BEGAIN: variants seen among roughly 807,000 people sequenced by gnomAD.
BEGAIN encodes the protein brain enriched guanylate kinase associated.
Under a neutral mutation model 35.8 loss-of-function variants are expected in BEGAIN, and 19 were observed. That is an observed-to-expected ratio of 0.53 (90% CI 0.37 to 0.78). The LOEUF is 0.78. Among genes scored for constraint, BEGAIN ranks in the 30% least tolerant of loss-of-function variants. BEGAIN has a pLI of 0.00. For missense variants in BEGAIN, 795 were observed against 853.6 expected (o/e 0.93, Z 0.85); for synonymous variants, 462 against 388.6 (o/e 1.19, Z -2.22).
At chr14:100,571,839 T>C (rs2035089319) in intron 1 of BEGAIN, among the ~76,000 whole-genome samples, 1 of 152,134 alleles carries the variant, frequency 6.6e-6, no homozygotes, top group African/African-American at 2.4e-5. Flanking sequence ...TTTGCACTGG[T>C]TCCTTGCACC....
Position 100,537,959 on chromosome 14 carries a change from A to G in BEGAIN, c.*10T>C, listed in dbSNP as rs1469302280. On this transcript the variant is annotated 3_prime_UTR_variant, in exon 7 of 7. Transcript: ENST00000554140. The stretch of plus-strand genomic sequence containing the variant: ...GGGAGCGAACCACGGCCAGGCCTGC[A>G]CGCAGGCGCTCAGTTGAGCAAGGTT... The G allele has an allele frequency of 6.2e-7, 1 of 1,601,006 alleles. No individual in the cohort carries two copies. Among genetic ancestry groups the G allele is most frequent in the Non-Finnish European group, 8.5e-7 (1 of 1,174,956 alleles).
intron 2 of BEGAIN, chr14:100,550,297 G>GCCTTCA (rs1335771993): frequency 1.3e-5 from 5 of 396,756 alleles, no homozygotes; most frequent in African/African-American, 4.1e-5. Flanking sequence ...GCCGGCCCAC[G>GCCTTCA]CCTTCACCTT....
At position 100,568,167 on chromosome 14, in the gene BEGAIN, C is replaced by T; in HGVS notation, c.43-228G>A. On this transcript the variant is annotated intron_variant, in intron 1 of 6. Coordinates refer to ENST00000554140, the MANE Select transcript of BEGAIN (RefSeq NM_001385089.1). This position sits in a 1 kb window ranked among gnomAD's most constrained non-coding sequence, Gnocchi z 7.5. ...AGGTGAGCCCGCCCGGGCCGCCGCG[C>T]TCCCCGCACCGAGTTACGCCCCCCG... 1.1e-6 allele frequency: 1 copy of T among 894,092 alleles called. No individual in the cohort carries two copies. Among genetic ancestry groups the T allele is most frequent in the Non-Finnish European group, 1.3e-6 (1 of 742,634 alleles). 55.4% of individuals were successfully genotyped at this position (894,092 alleles called of 1,614,324 possible).
chr14:100,565,215 C>T (rs1351281217), intron 2 of BEGAIN, among the ~76,000 whole-genome samples: 1 of 152,144 alleles, frequency 6.6e-6, no homozygotes, highest in Non-Finnish European at 1.5e-5. Context: ...TCATGAAAAC[C>T]CCAGGGAAAA....
intron 1 of BEGAIN, among the ~76,000 whole-genome samples, chr14:100,571,432 C>T (rs191339455): frequency 6.6e-6 from 1 of 152,300 alleles, no homozygotes; most frequent in Non-Finnish European, 1.5e-5. Flanking sequence ...GCCCGTCCAC[C>T]CTTTCCTCTG....
In BEGAIN at chr14:100,558,540, C is replaced by G. The variant is rs1454736838; in HGVS notation, c.71+9371G>C. 6.6e-6 allele frequency among the ~76,000 whole-genome samples: 1 copy of G among 152,174 alleles called. No homozygotes were observed. The highest frequency in any genetic ancestry group is 6.5e-5 in the Admixed American group (1 of 15,286). ...CAAATACCATCTCTCTGCTGAGGCC[C>G]CCACATTGGCTGCTCCCCAACTCCA... On this transcript the variant is annotated intron_variant, in intron 2 of 6. Coordinates refer to ENST00000554140, the MANE Select transcript of BEGAIN (RefSeq NM_001385089.1). This position sits in a 1 kb window ranked among gnomAD's most constrained non-coding sequence, Gnocchi z 4.6.
rs71113272 is a variant in BEGAIN, at chr14:100,585,415, CCCATCCAT to C, written c.42+1826_42+1833del. 9.7e-3 allele frequency among the ~76,000 whole-genome samples: 641 copies of C among 66,016 alleles called. 15 individuals carry two copies. In the East Asian group the frequency reaches 0.11, roughly 11 times the overall value. 43.3% of individuals were successfully genotyped at this position (66,016 alleles called of 152,430 possible). Reference sequence around the variant, plus strand: ...CCCTCCCATCCATCCCTCCCTCCCTCCCATCCATCCATCCATCCATCCATCCATCCATC... The same window carrying C: ...CCCTCCCATCCATCCCTCCCTCCCTCCCATCCATCCATCCATCCATCCATC... On this transcript the variant is annotated intron_variant, in intron 1 of 6. Transcript: ENST00000554140.
intron 1 of BEGAIN, chr14:100,577,399 G>A: frequency 2.5e-6 from 1 of 399,304 alleles, no homozygotes; most frequent in Admixed American, 4.4e-5. Flanking sequence ...GGCCTGGCCT[G>A]GCCCCACTCT....
At chr14:100,561,828 C>A (rs1454237037) in intron 2 of BEGAIN, among the ~76,000 whole-genome samples, 2 of 152,182 alleles carry the variant, frequency 1.3e-5, no homozygotes, top group Admixed American at 6.5e-5. Flanking sequence ...GGGAGGCAGG[C>A]CTTGCAGAGG....
At chr14:100,548,038 A>G (rs887752572) in intron 2 of BEGAIN, 1 of 151,800 alleles carries the variant, frequency 6.6e-6, no homozygotes, top group African/African-American at 2.4e-5. Flanking sequence ...ACAAATAAAA[A>G]TAAAGCGTCG....
chr14:100,554,945 T>G (rs1388885181), intron 2 of BEGAIN, among the ~76,000 whole-genome samples: 3 of 152,236 alleles, frequency 2.0e-5, no homozygotes, highest in Non-Finnish European at 4.4e-5. Flanking sequence ...AGAGCCTGCC[T>G]TTGCACCCCT....
intron 4 of BEGAIN, among the ~76,000 whole-genome samples, chr14:100,544,595 C>T (rs1486424447): frequency 6.6e-6 from 1 of 152,136 alleles, no homozygotes; most frequent in African/African-American, 2.4e-5. Flanking sequence ...TGTGAGGGTC[C>T]CCACAGAGGG....
rs55695162 is a variant in BEGAIN, at chr14:100,557,121, G to C, written c.72-10459C>G. Among the ~76,000 whole-genome samples the C allele has an allele frequency of 2.2e-3, 175 of 80,284 alleles. 3 individuals are homozygous for C. Among genetic ancestry groups the C allele is most frequent in the African/African-American group, 9.1e-3 (111 of 12,202 alleles). 52.7% of individuals were successfully genotyped at this position (80,284 alleles called of 152,430 possible). A position where few individuals can be genotyped will look rare whatever the true frequency, so the allele number is the denominator to read the frequency against. On this transcript the variant is annotated intron_variant, in intron 2 of 6. Coordinates refer to ENST00000554140, the MANE Select transcript of BEGAIN (RefSeq NM_001385089.1). ...AAAGCCAGGCCCCCAGTCCCAGCGC[G>C]GGCCCTGCCGGCCTCTTCCAGCCAC...
Position 100,568,665 on chromosome 14 carries a change from TCCG to T in BEGAIN, c.43-729_43-727del. 1 of 509,356 alleles carries T rather than the reference TCCG, an allele frequency of 2.0e-6. No individual in the cohort carries two copies. Among genetic ancestry groups the T allele is most frequent in the Non-Finnish European group, 2.5e-6 (1 of 395,566 alleles). 31.6% of individuals were successfully genotyped at this position (509,356 alleles called of 1,614,324 possible). A position where few individuals can be genotyped will look rare whatever the true frequency, so the allele number is the denominator to read the frequency against. On this transcript the variant is annotated intron_variant, in intron 1 of 6. Coordinates refer to ENST00000554140, the MANE Select transcript of BEGAIN (RefSeq NM_001385089.1). The surrounding 1 kb of genome is among the most constrained non-coding windows in gnomAD (Gnocchi z 7.5). ...CAGCCCCGCTCAGCCGGGCAGCCCC[TCCG>T]CGCGCCGGGCAGGGGGACCCACCCG... is the stretch of plus-strand genomic sequence containing the variant.
rs2034808837 is a variant in BEGAIN, at chr14:100,567,587, G to T, written c.71+324C>A. 6.6e-6 allele frequency among the ~76,000 whole-genome samples: 1 copy of T among 151,936 alleles called. No individual in the cohort carries two copies. Among genetic ancestry groups the T allele is most frequent in the Non-Finnish European group, 1.5e-5 (1 of 67,902 alleles). Reference sequence around the variant, plus strand: ...GGAGGGTCCCCGGGGACCAGCGAGAGTCCAGGGCAGGGAGCCAGAGGGGCG... The same window carrying T: ...GGAGGGTCCCCGGGGACCAGCGAGATTCCAGGGCAGGGAGCCAGAGGGGCG... On this transcript the variant is annotated intron_variant, in intron 2 of 6. Coordinates refer to ENST00000554140, the MANE Select transcript of BEGAIN (RefSeq NM_001385089.1). This position sits in a 1 kb window ranked among gnomAD's most constrained non-coding sequence, Gnocchi z 5.1.
At position 100,567,978 on chromosome 14, in the gene BEGAIN, C is replaced by T. The variant is rs1461675282; in HGVS notation, c.43-39G>A. 1.4e-6 allele frequency: 2 copies of T among 1,407,356 alleles called. No homozygotes were observed. The highest frequency in any genetic ancestry group is 1.9e-6 in the Non-Finnish European group (2 of 1,064,984). 87.2% of individuals were successfully genotyped at this position (1,407,356 alleles called of 1,614,324 possible). ...AACGAGAGGGTCAGCAGGCAGGAGG[C>T]GTGCGCTCCGCGGCCGCGCCGGGCA... On this transcript the variant is annotated intron_variant, in intron 1 of 6. Transcript: ENST00000554140. The surrounding 1 kb of genome is among the most constrained non-coding windows in gnomAD (Gnocchi z 5.1).
chr14:100,539,486 GCTGTA>G (rs1398088756), intron 6 of BEGAIN, among the ~76,000 whole-genome samples, 171 bp from the exon 7 acceptor site: 1 of 152,184 alleles, frequency 6.6e-6, no homozygotes, highest in African/African-American at 2.4e-5. Flanking sequence ...GATCCAGGAC[GCTGTA>G]CTGAACAAGC....
In BEGAIN at chr14:100,567,026, G is replaced by A. The variant is rs755732759; in HGVS notation, c.71+885C>T. On this transcript the variant is annotated intron_variant, in intron 2 of 6. Coordinates refer to ENST00000554140, the MANE Select transcript of BEGAIN (RefSeq NM_001385089.1). This position sits in a 1 kb window ranked among gnomAD's most constrained non-coding sequence, Gnocchi z 5.1. ...TTGGGGGAGGGATGCTCCTCTACCC[G>A]GCCTCCTCCCCAGGATGCCAATTCT... Among the ~76,000 whole-genome samples the A allele has an allele frequency of 5.3e-5, 8 of 152,152 alleles. No individual in the cohort carries two copies. Among genetic ancestry groups the A allele is most frequent in the Non-Finnish European group, 8.8e-5 (6 of 68,016 alleles).
intron 2 of BEGAIN, 39 bp from the exon 3 acceptor site, chr14:100,546,701 T>C: frequency 6.6e-7 from 1 of 1,523,988 alleles, no homozygotes; most frequent in Non-Finnish European, 8.8e-7. Context: ...GCCGCGGCGC[T>C]GAGCGGGGGA....
Sources: allele counts gnomAD v4.1 joint callset (sites outside exome capture counted in the v4.1 genomes callset), GRCh38; gene constraint gnomAD v4.1.1; non-coding constraint Gnocchi (gnomAD v3.1); transcripts MANE v1.5; gene names NCBI Gene and HGNC (gene_info 2026-07-23, HGNC 2026-07-21).